The following RASGRF2 variants were observed in gnomAD, a reference collection of about 807,000 sequenced individuals.
The protein encoded by RASGRF2 is Ras protein specific guanine nucleotide releasing factor 2.
A neutral mutation model predicts 151.0 loss-of-function variants in RASGRF2; 76 were observed. That is an observed-to-expected ratio of 0.50 (90% confidence interval 0.42 to 0.61). The LOEUF (loss-of-function observed/expected upper bound fraction) is 0.61, where lower values mean the gene tolerates loss of function less well. RASGRF2 is among the 20% of genes least tolerant of loss of function. RASGRF2 has a pLI of 0.00. For missense variants in RASGRF2, 1,148 were observed against 1,564.6 expected, an observed-to-expected ratio of 0.73 and a Z score of 4.49; for synonymous variants, 504 against 566.5, an observed-to-expected ratio of 0.89 and a Z score of 1.57.
rs1159897374 is a variant in RASGRF2 at position 81,227,257 on chromosome 5, A to G, written c.*1487A>G. 1 of 152,226 alleles carries G rather than the reference A, an allele frequency of 6.6e-6. No homozygotes were observed. Among genetic ancestry groups the G allele is most frequent in the Non-Finnish European group, 1.5e-5 (1 of 68,036 alleles). The allele number at this position is 152,226 out of a possible 1,614,324, so 9.4% of individuals were successfully genotyped here. On this transcript the variant is annotated 3_prime_UTR_variant, in exon 27 of 27. Transcript: ENST00000265080. Reference sequence around the variant, plus strand: ...TTCCACCTGCTGGCTCTTAAGACTCAGTGAAAGAGCTAGCATTGGTAATGC... The same window carrying G: ...TTCCACCTGCTGGCTCTTAAGACTCGGTGAAAGAGCTAGCATTGGTAATGC...
chr5:81,220,916 T>G (rs192355699), intron 26 of RASGRF2, among the ~76,000 whole-genome samples: 1 of 152,222 alleles, frequency 6.6e-6, no homozygotes, highest in South Asian at 2.1e-4. Flanking sequence ...TGTGGTGGTT[T>G]CTTAGACTTT....
intron 1 of RASGRF2, among the ~76,000 whole-genome samples, chr5:80,978,613 C>A (rs975936758): frequency 1.3e-5 from 2 of 152,066 alleles, no homozygotes; most frequent in African/African-American, 4.8e-5. Context: ...ATAGTGAAAC[C>A]CTGTTTCTAC....
chr5:81,149,554 A>T (rs1311529057), intron 17 of RASGRF2, among the ~76,000 whole-genome samples: 1 of 152,186 alleles, frequency 6.6e-6, no homozygotes, highest in Admixed American at 6.5e-5. Context: ...GGGGCACCAA[A>T]GTCTCAGAAA....
intron 1 of RASGRF2, among the ~76,000 whole-genome samples, chr5:81,031,743 G>C (rs1036302361): frequency 6.6e-6 from 1 of 152,146 alleles, no homozygotes; most frequent in Non-Finnish European, 1.5e-5. Flanking sequence ...AAAAGAACTA[G>C]AGAAGCAAGA....
chr5:81,160,682 A>T (rs199788075), intron 17 of RASGRF2, among the ~76,000 whole-genome samples: 1 of 138,480 alleles, frequency 7.2e-6, no homozygotes, highest in East Asian at 2.2e-4. Flanking sequence ...TCTGTCTCAA[A>T]AATAATAATA....
chr5:81,118,669 T>C (rs1470154227), intron 15 of RASGRF2, among the ~76,000 whole-genome samples: 5 of 152,250 alleles, frequency 3.3e-5, no homozygotes, highest in Non-Finnish European at 5.9e-5. Context: ...GTGGCTGAGC[T>C]GCAAATTTTC....
intron 18 of RASGRF2, among the ~76,000 whole-genome samples, chr5:81,180,492 C>T (rs956307143): frequency 3.9e-5 from 6 of 152,214 alleles, no homozygotes; most frequent in Middle Eastern, 3.4e-3. Context: ...CTGCAAATGA[C>T]GTGACACAGT....
chr5:80,965,440 G>GA (rs561317386), intron 1 of RASGRF2, among the ~76,000 whole-genome samples: 4 of 150,946 alleles, frequency 2.6e-5, no homozygotes, highest in South Asian at 2.1e-4. Context: ...AAAGTTAAAT[G>GA]AAAAAAAAAT....
At chr5:81,077,870 C>T (rs764860559) in intron 5 of RASGRF2, among the ~76,000 whole-genome samples, 6 of 152,084 alleles carry the variant, frequency 3.9e-5, no homozygotes, top group African/African-American at 1.4e-4. Context: ...TTTTAGGTTG[C>T]CTCTGGCTCT....
rs762486782 is a variant in RASGRF2 at position 81,080,205 on chromosome 5, G to A, written c.967+5G>A. Reference sequence around the variant, plus strand: ...ACTGGCCCACTTTAATTTTAGGTAAGTGCATTCTTTAAAGGTGTAAGATTT... The same window carrying A: ...ACTGGCCCACTTTAATTTTAGGTAAATGCATTCTTTAAAGGTGTAAGATTT... On this transcript the variant is annotated splice_donor_5th_base_variant and intron_variant, in intron 6 of 26. Transcript: ENST00000265080. 2 of 1,594,240 alleles carry A rather than the reference G, an allele frequency of 1.3e-6. No individual in the cohort carries two copies. The highest frequency in any genetic ancestry group is 1.4e-5 in the African/African-American group (1 of 73,504).
chr5:81,063,671 A>G (rs1048964710), intron 2 of RASGRF2, among the ~76,000 whole-genome samples: 1 of 151,642 alleles, frequency 6.6e-6, no homozygotes. Flanking sequence ...TATATTTCCA[A>G]TCTCTTTATA....
chr5:81,134,637 G>A (rs1431361557), intron 17 of RASGRF2, among the ~76,000 whole-genome samples: 3 of 152,208 alleles, frequency 2.0e-5, no homozygotes, highest in Non-Finnish European at 4.4e-5. Flanking sequence ...TAAAGTTTGA[G>A]AAGCAGTGAA....
chr5:81,163,897 A>C (rs1754444763), intron 17 of RASGRF2, among the ~76,000 whole-genome samples: 1 of 152,138 alleles, frequency 6.6e-6, no homozygotes, highest in East Asian at 1.9e-4. Flanking sequence ...GCAGTGCAAA[A>C]ATTCTCTTAC....
Position 81,225,704 on chromosome 5 carries a change from C to T in RASGRF2, c.3648C>T (p.Asp1216=). 1 of 1,611,352 alleles carries T rather than the reference C, an allele frequency of 6.2e-7. No homozygotes were observed. Among genetic ancestry groups the T allele is most frequent in the Non-Finnish European group, 8.5e-7 (1 of 1,179,354 alleles). Residue 1216 remains aspartate (D), a synonymous_variant, in exon 27 of 27, where the codon GAC becomes GAT. Transcript: ENST00000265080. ...PKVAQYLLDK[D]LIIDEDTLYE... Reference sequence around the variant, plus strand: ...TCGCACAGTACTTGCTTGACAAAGACCTTATCATAGATGAAGATACGCTAT... The same window carrying T: ...TCGCACAGTACTTGCTTGACAAAGATCTTATCATAGATGAAGATACGCTAT...
At chr5:81,176,679 TC>T (rs1250464256) in intron 17 of RASGRF2, among the ~76,000 whole-genome samples, 4 of 152,234 alleles carry the variant, frequency 2.6e-5, no homozygotes. Flanking sequence ...AGGTATGTGT[TC>T]CTCGGCAGAG....
chr5:81,025,616 G>A (rs1749991751), intron 1 of RASGRF2, among the ~76,000 whole-genome samples: 1 of 152,210 alleles, frequency 6.6e-6, no homozygotes, highest in South Asian at 2.1e-4. Context: ...CCAACATGGT[G>A]GTTGAGTACC....
intron 17 of RASGRF2, among the ~76,000 whole-genome samples, chr5:81,171,549 T>TTGTGTGTG (rs57890623): frequency 5.3e-5 from 8 of 150,522 alleles, no homozygotes; most frequent in African/African-American, 1.7e-4. Flanking sequence ...CCTTTTGTGT[T>TTGTGTGTG]TGTGTGTGTG....
In RASGRF2 at chr5:81,111,205, C is replaced by G. The variant is rs530169872; in HGVS notation, c.1839-1405C>G. On this transcript the variant is annotated intron_variant, in intron 13 of 26. Coordinates refer to ENST00000265080, the MANE Select transcript of RASGRF2 (RefSeq NM_006909.3). ...ATTGGCTCACTGAACGTCACTGACC[C>G]TACCCTGTAGCATATCCTTTAATCA... Among the ~76,000 whole-genome samples, 260 of 152,342 alleles carry G rather than the reference C, an allele frequency of 1.7e-3. 1 individual carries two copies. The highest frequency in any genetic ancestry group is 6.0e-3 in the African/African-American group (248 of 41,592).
intron 17 of RASGRF2, among the ~76,000 whole-genome samples, chr5:81,138,679 A>G (rs1295606568): frequency 6.6e-6 from 1 of 152,110 alleles, no homozygotes; most frequent in African/African-American, 2.4e-5. Flanking sequence ...AAGTTCATCA[A>G]TACAACCATT....
Sources: allele counts gnomAD v4.1 joint callset (sites outside exome capture counted in the v4.1 genomes callset), GRCh38; gene constraint gnomAD v4.1.1; transcripts MANE v1.5; gene names NCBI Gene and HGNC (gene_info 2026-07-23, HGNC 2026-07-21).